Variants in ABCA9 observed in about 807,000 individuals in gnomAD.
The protein encoded by ABCA9 is ATP-binding cassette sub-family A member 9.
In ABCA9, 183 loss-of-function variants were observed where a neutral mutation model predicts 205.3. That is an observed-to-expected ratio of 0.89 (90% CI 0.79 to 1.01). The LOEUF (loss-of-function observed/expected upper bound fraction) is 1.01, where lower values mean the gene tolerates loss of function less well. Ranked by LOEUF, ABCA9 falls within the 50% of genes least tolerant of loss-of-function variation. The pLI is 0.00. For synonymous variants in ABCA9, 651 were observed against 683.3 expected (o/e 0.95, Z 0.74); for missense variants, 1,805 against 1,912.4 (o/e 0.94, Z 1.05).
At chr17:69,058,015 C>T (rs1044946295) in intron 1 of ABCA9, among the ~76,000 whole-genome samples, 1 of 152,122 alleles carries the variant, frequency 6.6e-6, no homozygotes, top group Non-Finnish European at 1.5e-5. Flanking sequence ...GGGAGAATAA[C>T]AACGATGGTC....
chr17:69,054,409 C>T (rs1277726816), intron 1 of ABCA9, among the ~76,000 whole-genome samples: 2 of 151,122 alleles, frequency 1.3e-5, no homozygotes, highest in Admixed American at 1.3e-4. Flanking sequence ...TGCCTGAGGC[C>T]CCAGCTACTA....
the ABCA9 span, among the ~76,000 whole-genome samples, chr17:69,069,932 T>C: frequency 3.3e-5 from 5 of 152,298 alleles, no homozygotes; most frequent in African/African-American, 9.6e-5. Context: ...TTATAGTTTA[T>C]CAAAAACACA....
chr17:68,992,766 T>C (rs2069492641), intron 27 of ABCA9: 2 of 330,986 alleles, frequency 6.0e-6, no homozygotes, highest in East Asian at 6.2e-5. Flanking sequence ...TGAGCTGAGA[T>C]AGCGCCATTG....
At chr17:69,015,701 C>G (rs2070566202) in intron 22 of ABCA9, among the ~76,000 whole-genome samples, 1 of 152,148 alleles carries the variant, frequency 6.6e-6, no homozygotes, top group African/African-American at 2.4e-5. Context: ...CAGGTGCTCA[C>G]ATTGCCTCAT....
At chr17:69,069,974 T>C in the ABCA9 span, among the ~76,000 whole-genome samples, 1 of 152,188 alleles carries the variant, frequency 6.6e-6, no homozygotes, top group Non-Finnish European at 1.5e-5. Context: ...TTATTGAAAG[T>C]GGTTATATAT....
chr17:68,997,316 A>G (rs1385022587), intron 25 of ABCA9, among the ~76,000 whole-genome samples: 1 of 152,226 alleles, frequency 6.6e-6, no homozygotes, highest in Admixed American at 6.5e-5. Flanking sequence ...GAATTTATCA[A>G]TGGGTTTTCA....
chr17:69,033,502 A>G (rs2071229968), intron 9 of ABCA9: 1 of 344,220 alleles, frequency 2.9e-6, no homozygotes, highest in East Asian at 5.1e-5. Context: ...ATCATCATCC[A>G]TAATCTCTCA....
At chr17:69,042,449 C>T (rs904622261) in intron 6 of ABCA9, 1 of 152,184 alleles carries the variant, frequency 6.6e-6, no homozygotes, top group East Asian at 1.9e-4. Flanking sequence ...CCACAGTGCT[C>T]TACGGCCTCA....
At chr17:69,017,374 T>C (rs2070656612) in intron 21 of ABCA9, among the ~76,000 whole-genome samples, 1 of 152,136 alleles carries the variant, frequency 6.6e-6, no homozygotes, top group East Asian at 1.9e-4. Context: ...GAATGAGATT[T>C]AATTTAATTA....
rs763524177 is a variant in ABCA9, at chr17:69,018,497, C to A, written c.2683G>T (p.Glu895Ter). The A allele has an allele frequency of 8.1e-6, 13 of 1,607,652 alleles. No individual in the cohort carries two copies. The highest frequency in any genetic ancestry group is 1.3e-5 in the African/African-American group (1 of 74,510). ...AGGAAGTATGTATTTGGAGACAGTT[C>A]CCACGGGTAACTTTTCTGATATGAC... is the stretch of plus-strand genomic sequence containing the variant. The part of the protein sequence containing the change: ...YESYQKSYPW[E>*]LSPNTYFLSP... Residue 895 changes from glutamate (E) to a stop codon, truncating the protein, a stop_gained, in exon 20 of 39, where the codon GAA becomes TAA. Coordinates refer to ENST00000340001, the MANE Select transcript of ABCA9 (RefSeq NM_080283.4). LOFTEE classifies it high-confidence loss of function.
chr17:69,063,745 T>C (rs1219698891), upstream of ABCA9, among the ~76,000 whole-genome samples: 1 of 152,162 alleles, frequency 6.6e-6, no homozygotes, highest in Non-Finnish European at 1.5e-5. Context: ...GCTAATTTTT[T>C]GTATTTTTAG....
In ABCA9 at chr17:68,982,631, G is replaced by T. The variant is rs765882044; in HGVS notation, c.4651C>A (p.Leu1551Met). ...QAAQQERFSS[L>M]MVYKLPVEDV... is the part of the protein sequence containing the mutation. Reference sequence around the variant, plus strand: ...TCAACAGGCAACTTATAGACCATCAGGGAGGAGAACCTGCGAAGAGAAGAC... The same window carrying T: ...TCAACAGGCAACTTATAGACCATCATGGAGGAGAACCTGCGAAGAGAAGAC... Residue 1551 changes from leucine to methionine, a missense_variant, in exon 37 of 39, where the codon CTG (leucine) becomes ATG (methionine). Transcript: ENST00000340001. 2 of 1,613,918 alleles carry T rather than the reference G, an allele frequency of 1.2e-6. No homozygotes were observed. Among genetic ancestry groups the T allele is most frequent in the Non-Finnish European group, 1.7e-6 (2 of 1,179,832 alleles).
chr17:68,985,944 G>C (rs1424939284), intron 32 of ABCA9, among the ~76,000 whole-genome samples: 1 of 146,718 alleles, frequency 6.8e-6, no homozygotes, highest in Non-Finnish European at 1.5e-5. Flanking sequence ...CGTCTCAAAA[G>C]AAAAAAAAAG....
intron 18 of ABCA9, 95 bp from the exon 19 acceptor site, chr17:69,020,681 T>C: frequency 8.8e-7 from 1 of 1,138,038 alleles, no homozygotes; most frequent in Admixed American, 2.2e-5. Flanking sequence ...GTGTCAAAGT[T>C]ACCCTCTTGG....
intron 35 of ABCA9, 47 bp from the exon 36 acceptor site, chr17:68,983,896 T>A (rs760900799): frequency 3.7e-6 from 6 of 1,613,094 alleles, no homozygotes; most frequent in Non-Finnish European, 5.1e-6. Flanking sequence ...GAGAAAAATG[T>A]ATGGCTTGTG....
At chr17:69,070,878 G>A in the ABCA9 span, among the ~76,000 whole-genome samples, 16 of 152,252 alleles carry the variant, frequency 1.1e-4, no homozygotes, top group African/African-American at 3.1e-4. Context: ...GTCTGAAGTC[G>A]ACCTGGGGTG....
chr17:68,992,978 C>T, intron 27 of ABCA9, 38 bp downstream of exon 27: 1 of 1,492,412 alleles, frequency 6.7e-7, no homozygotes, highest in East Asian at 2.3e-5. Context: ...AAGTTGTGTT[C>T]CCTCATGCAA....
chr17:69,032,214 C>T lies in ABCA9; in HGVS notation c.1339G>A (p.Gly447Arg), dbSNP rs764821055. 5.6e-6 allele frequency: 9 copies of T among 1,613,830 alleles called. No homozygotes were observed. The highest frequency in any genetic ancestry group is 2.2e-5 in the South Asian group (2 of 91,074). ...FLKSCFWFQH[G>R]RANHVVLENE... The stretch of plus-strand genomic sequence containing the variant: ...TCAAGGACCACATGATTAGCCCTTC[C>T]GTGTTGAAACCAAAAACAGGATTTC... Residue 447 changes from glycine to arginine, a missense_variant, in exon 10 of 39, where the codon GGA (glycine) becomes AGA (arginine). Coordinates refer to ENST00000340001, the MANE Select transcript of ABCA9 (RefSeq NM_080283.4).
intron 25 of ABCA9, among the ~76,000 whole-genome samples, chr17:68,999,662 A>C (rs556753443): frequency 1.3e-5 from 2 of 152,122 alleles, no homozygotes; most frequent in South Asian, 4.2e-4. Flanking sequence ...TGGCTGGGTC[A>C]AATGGTATTT....
Sources: allele counts gnomAD v4.1 joint callset (sites outside exome capture counted in the v4.1 genomes callset), GRCh38; gene constraint gnomAD v4.1.1; transcripts MANE v1.5; gene names NCBI Gene and HGNC (gene_info 2026-07-23, HGNC 2026-07-21).